The following SPAG16 variants were observed in gnomAD, a reference collection of about 807,000 sequenced individuals.
The protein encoded by SPAG16 is sperm associated antigen 16, also known as sperm-associated antigen 16 protein.
SPAG16 carries 86 observed loss-of-function variants against 80.4 expected under a neutral mutation model. The observed-to-expected ratio is 1.07, with a 90% CI of 0.90 to 1.28. The LOEUF (loss-of-function observed/expected upper bound fraction) is 1.28. SPAG16 is among the 50% of genes most tolerant of loss of function. The probability of loss-of-function intolerance (pLI) is 0.00; values close to 1 mark genes in which losing one functional copy is unlikely to be tolerated. For synonymous variants in SPAG16, 294 were observed against 265.9 expected, an observed-to-expected ratio of 1.11 and a Z score of -1.03; for missense variants, 870 against 765.3, an observed-to-expected ratio of 1.14 and a Z score of -1.61.
chr2:214,144,055 G>A lies in SPAG16; in HGVS notation c.1594-5085G>A, dbSNP rs117029482. ...CACCTGTAGTTTCAACTACTTGGGA[G>A]GCTGACGTGGAAGGATCACCTGAGC... On this transcript the variant is annotated intron_variant, in intron 14 of 15. Coordinates refer to ENST00000331683, the MANE Select transcript of SPAG16 (RefSeq NM_024532.5). 3.8e-3 allele frequency among the ~76,000 whole-genome samples: 575 copies of A among 152,158 alleles called. 19 individuals are homozygous for A. In the East Asian group the frequency reaches 0.075, roughly 20 times the overall value.
At chr2:213,777,217 C>T (rs539027812) in intron 10 of SPAG16, among the ~76,000 whole-genome samples, 2 of 147,602 alleles carry the variant, frequency 1.4e-5, no homozygotes, top group South Asian at 4.3e-4. Flanking sequence ...CATTCTTCAG[C>T]AAGTGTCCAG....
chr2:213,889,905 T>A (rs921801139), intron 11 of SPAG16, among the ~76,000 whole-genome samples: 1 of 151,798 alleles, frequency 6.6e-6, no homozygotes, highest in African/African-American at 2.4e-5. Flanking sequence ...TTTTGTACCC[T>A]CTGAATATAA....
At chr2:213,987,862 A>G (rs1025976726) in intron 12 of SPAG16, among the ~76,000 whole-genome samples, 3 of 147,796 alleles carry the variant, frequency 2.0e-5, no homozygotes, top group Non-Finnish European at 3.0e-5. Flanking sequence ...TAATATAAAT[A>G]TAAAAATAAT....
At chr2:213,807,935 C>T (rs938244637) in intron 10 of SPAG16, among the ~76,000 whole-genome samples, 10 of 152,128 alleles carry the variant, frequency 6.6e-5, no homozygotes, top group Admixed American at 3.9e-4. Flanking sequence ...TATTGTTTCA[C>T]CTAGCTAGTG....
intron 12 of SPAG16, among the ~76,000 whole-genome samples, chr2:213,936,299 A>G (rs1009470142): frequency 6.6e-6 from 1 of 152,184 alleles, no homozygotes; most frequent in Non-Finnish European, 1.5e-5. Context: ...TGTACATATA[A>G]TAGAGGGCCT....
intron 15 of SPAG16, among the ~76,000 whole-genome samples, chr2:214,169,363 C>T (rs149393134): frequency 1.2e-4 from 19 of 152,106 alleles, no homozygotes; most frequent in African/African-American, 3.9e-4. Context: ...CAAAGTGTTG[C>T]GCTTAAAAGT....
At chr2:213,975,777 CTG>C (rs1273308419) in intron 12 of SPAG16, among the ~76,000 whole-genome samples, 2 of 151,932 alleles carry the variant, frequency 1.3e-5, no homozygotes, top group Non-Finnish European at 2.9e-5. Context: ...TGAAAACACA[CTG>C]TGTTTATCAA....
Position 213,980,452 on chromosome 2 carries a change from A to C in SPAG16, c.1401-33499A>C, listed in dbSNP as rs187253114. Among the ~76,000 whole-genome samples the C allele has an allele frequency of 2.1e-3, 99 of 48,140 alleles. 2 individuals are homozygous for C. Among genetic ancestry groups the C allele is most frequent in the Non-Finnish European group, 2.9e-3 (71 of 24,640 alleles). 31.6% of individuals were successfully genotyped at this position (48,140 alleles called of 152,430 possible). A position where few individuals can be genotyped will look rare whatever the true frequency, so the allele number is the denominator to read the frequency against. ...GAATATATGTGTGTATATATATTCTATATATATATAGAATATATGTGTGTA... is the reference window on the plus strand; with the variant it reads ...GAATATATGTGTGTATATATATTCTCTATATATATAGAATATATGTGTGTA... On this transcript the variant is annotated intron_variant, in intron 12 of 15. Transcript: ENST00000331683.
At chr2:214,195,447 A>G (rs993200480) in intron 15 of SPAG16, among the ~76,000 whole-genome samples, 2 of 152,082 alleles carry the variant, frequency 1.3e-5, no homozygotes, top group African/African-American at 4.8e-5. Flanking sequence ...GGGGGTTAGC[A>G]TTAGATATGA....
chr2:214,049,790 A>C (rs1449285679), intron 13 of SPAG16, among the ~76,000 whole-genome samples: 1 of 152,216 alleles, frequency 6.6e-6, no homozygotes, highest in Non-Finnish European at 1.5e-5. Flanking sequence ...GCACTAGGCC[A>C]ACCTGAAATT....
intron 15 of SPAG16, among the ~76,000 whole-genome samples, chr2:214,377,468 G>GATAA (rs1700197825): frequency 6.6e-6 from 1 of 152,154 alleles, no homozygotes; most frequent in Non-Finnish European, 1.5e-5. Context: ...TTGTGGTATT[G>GATAA]ATAAATACAG....
intron 9 of SPAG16, among the ~76,000 whole-genome samples, chr2:213,466,056 A>G (rs1325544175): frequency 1.3e-5 from 2 of 152,218 alleles, no homozygotes; most frequent in African/African-American, 4.8e-5. Context: ...TGACTGGCTT[A>G]GTCTCACAGC....
chr2:213,573,267 C>G (rs1442023610), intron 10 of SPAG16, among the ~76,000 whole-genome samples: 1 of 152,202 alleles, frequency 6.6e-6, no homozygotes, highest in South Asian at 2.1e-4. Context: ...CTCCCCTTCT[C>G]TAATCAACAC....
intron 13 of SPAG16, among the ~76,000 whole-genome samples, chr2:214,046,164 A>G (rs2049313742): frequency 6.6e-6 from 1 of 152,144 alleles, no homozygotes; most frequent in African/African-American, 2.4e-5. Flanking sequence ...GAAATCCAAA[A>G]CCTAAACAGA....
intron 9 of SPAG16, among the ~76,000 whole-genome samples, chr2:213,376,838 T>C (rs1330338276): frequency 6.6e-6 from 1 of 152,174 alleles, no homozygotes; most frequent in Non-Finnish European, 1.5e-5. Flanking sequence ...ATGTAATTTA[T>C]TGCAGACATT....
At chr2:213,666,635 C>T (rs751411484) in intron 10 of SPAG16, among the ~76,000 whole-genome samples, 10 of 152,114 alleles carry the variant, frequency 6.6e-5, no homozygotes, top group Non-Finnish European at 1.0e-4. Context: ...TACAAACCTG[C>T]TCAGTTCAGA....
intron 4 of SPAG16, among the ~76,000 whole-genome samples, chr2:213,313,683 GA>G (rs1310814713): frequency 6.6e-6 from 1 of 151,826 alleles, no homozygotes; most frequent in African/African-American, 2.4e-5. Context: ...AAGGACTTCA[GA>G]AAATATTAAT....
In SPAG16 at chr2:213,780,021, G is replaced by A. The variant is rs2069844463; in HGVS notation, c.1071-82464G>A. Among the ~76,000 whole-genome samples the A allele has an allele frequency of 3.9e-5, 6 of 152,282 alleles. No individual in the cohort carries two copies. The South Asian group carries it at 1.2e-3, about 32-fold the overall frequency. On this transcript the variant is annotated intron_variant, in intron 10 of 15. Coordinates refer to ENST00000331683, the MANE Select transcript of SPAG16 (RefSeq NM_024532.5). ...GCTTAAAATAGCTACTAGGCATGCTGACTCCTGTTTCACCCTGTCAGAGGG... is the reference window on the plus strand; with the variant it reads ...GCTTAAAATAGCTACTAGGCATGCTAACTCCTGTTTCACCCTGTCAGAGGG...
At chr2:213,674,654 G>A (rs1359874849) in intron 10 of SPAG16, among the ~76,000 whole-genome samples, 2 of 149,504 alleles carry the variant, frequency 1.3e-5, no homozygotes, top group African/African-American at 2.6e-5. Flanking sequence ...TTGTCCTTGC[G>A]ATAGTTTACT....
Sources: gnomAD v4.1 joint callset for allele counts (sites outside exome capture counted in the v4.1 genomes callset) on GRCh38, gnomAD v4.1.1 for gene constraint, MANE v1.5 for transcripts, NCBI Gene and HGNC (gene_info 2026-07-23, HGNC 2026-07-21) for gene names.